Variants in SORL1 observed in about 807,000 individuals in gnomAD.
SORL1 encodes the protein sortilin-related receptor.
In SORL1, 127 loss-of-function variants were observed where a neutral mutation model predicts 273.7. That is an observed-to-expected ratio of 0.46 (90% CI 0.40 to 0.54). SORL1 has a LOEUF of 0.54. SORL1 is among the 20% of genes least tolerant of loss of function. The probability of loss-of-function intolerance (pLI) is 0.00; values close to 1 mark genes in which losing one functional copy is unlikely to be tolerated. For missense variants in SORL1, 2,494 were observed against 2,846.1 expected (o/e 0.88, Z 2.81); for synonymous variants, 1,031 against 1,067.4 (o/e 0.97, Z 0.66).
intron 40 of SORL1, among the ~76,000 whole-genome samples, chr11:121,613,940 G>A (rs1459857817): frequency 6.6e-6 from 1 of 152,132 alleles, no homozygotes; most frequent in Non-Finnish European, 1.5e-5. Flanking sequence ...TTTTCTCCCT[G>A]CCAGCCAGCA....
chr11:121,511,472 A>G (rs1488785557), intron 6 of SORL1, among the ~76,000 whole-genome samples: 2 of 152,256 alleles, frequency 1.3e-5, no homozygotes, highest in Non-Finnish European at 2.9e-5. Flanking sequence ...CATAGCCATG[A>G]CATTTTATCA....
At chr11:121,528,834 A>G (rs1004828915) in intron 11 of SORL1, among the ~76,000 whole-genome samples, 4 of 152,220 alleles carry the variant, frequency 2.6e-5, no homozygotes, top group African/African-American at 9.6e-5. Context: ...AGGAATATGT[A>G]TTAAGCAGTT....
intron 6 of SORL1, among the ~76,000 whole-genome samples, chr11:121,509,567 C>G (rs1320051082): frequency 6.6e-6 from 1 of 152,102 alleles, no homozygotes; most frequent in Non-Finnish European, 1.5e-5. Flanking sequence ...ACCTCCGCCT[C>G]CTGGGTTCAG....
rs751989082 is a variant in SORL1, at chr11:121,514,113, T to C, written c.1042-39T>C. On this transcript the variant is annotated intron_variant, in intron 7 of 47. Coordinates refer to ENST00000260197, the MANE Select transcript of SORL1 (RefSeq NM_003105.6). ...ATAGTAAAAGCCCACAGGGCACATT[T>C]GTTTTTTGACGTATCTTTTTTGACT... 3 of 1,599,548 alleles carry C rather than the reference T, an allele frequency of 1.9e-6. No homozygotes were observed. The South Asian group carries it at 3.4e-5, about 18-fold the overall frequency.
In SORL1 at chr11:121,553,977, C is replaced by A; in HGVS notation, c.2307C>A (p.Ile769=). The change falls in exon 17 of 48, where the codon ATC becomes ATA. Residue 769 remains isoleucine (I), a synonymous_variant. Coordinates refer to ENST00000260197, the MANE Select transcript of SORL1 (RefSeq NM_003105.6). ...TTCTGTATGCTGTGAGGAAATCCATCTACCGCTATGACCTGGCCTCGGGAG... is the reference window on the plus strand; with the variant it reads ...TTCTGTATGCTGTGAGGAAATCCATATACCGCTATGACCTGGCCTCGGGAG... The part of the protein sequence containing the change: ...EFILYAVRKS[I]YRYDLASGAT... 6.2e-7 allele frequency: 1 copy of A among 1,614,220 alleles called. No individual in the cohort carries two copies. The highest frequency in any genetic ancestry group is 8.5e-7 in the Non-Finnish European group (1 of 1,180,028).
chr11:121,628,065 C>T (rs186604112), intron 47 of SORL1, among the ~76,000 whole-genome samples: 2 of 152,302 alleles, frequency 1.3e-5, no homozygotes, highest in Admixed American at 1.3e-4. Flanking sequence ...ATATCTGACC[C>T]CTGTCTCATC....
Position 121,621,256 on chromosome 11 carries a change from T to C in SORL1, c.6064+18T>C. 1 of 1,609,934 alleles carries C rather than the reference T, an allele frequency of 6.2e-7. No homozygotes were observed. The highest frequency in any genetic ancestry group is 1.7e-4 in the Middle Eastern group (1 of 6,048). On this transcript the variant is annotated intron_variant, in intron 44 of 47. Transcript: ENST00000260197. ...TACCACAGGTAAGCAGGAGAGAGGTTAGAGGTCTTCTCACACAGCCTGCCC... is the reference window on the plus strand; with the variant it reads ...TACCACAGGTAAGCAGGAGAGAGGTCAGAGGTCTTCTCACACAGCCTGCCC...
At chr11:121,479,966 C>T (rs1861346969) in intron 3 of SORL1, among the ~76,000 whole-genome samples, 1 of 152,150 alleles carries the variant, frequency 6.6e-6, no homozygotes, top group Non-Finnish European at 1.5e-5. Flanking sequence ...TGCCCCTTTG[C>T]CCCACCGCAC....
chr11:121,490,391 T>C (rs554618667), intron 5 of SORL1, among the ~76,000 whole-genome samples: 2 of 150,218 alleles, frequency 1.3e-5, no homozygotes, highest in South Asian at 4.3e-4. Flanking sequence ...TGCATGTTTG[T>C]AGAGTTTCAT....
At chr11:121,605,088 G>T (rs1162193689) in intron 33 of SORL1, 25 bp from the exon 34 acceptor site, 2 of 1,590,624 alleles carry the variant, frequency 1.3e-6, no homozygotes, top group East Asian at 2.2e-5. Flanking sequence ...AACTTTGTTT[G>T]TCTTTTTCTC....
chr11:121,536,945 C>T (rs767284047), intron 12 of SORL1, among the ~76,000 whole-genome samples: 3 of 151,976 alleles, frequency 2.0e-5, no homozygotes, highest in South Asian at 4.2e-4. Flanking sequence ...GCGCTGGGTG[C>T]GGTGGGAGCC....
chr11:121,583,469 A>G lies in SORL1; in HGVS notation c.3592A>G (p.Thr1198Ala). The change falls in exon 26 of 48, where the codon ACC becomes GCC. Residue 1198 changes from threonine (T) to alanine (A), a missense_variant. Transcript: ENST00000260197. ...CTTCTCTGTTACAGCCATCTATCACACCTGTGAGGCCTCCAACTTCCAGTG... is the reference window on the plus strand; with the variant it reads ...CTTCTCTGTTACAGCCATCTATCACGCCTGTGAGGCCTCCAACTTCCAGTG... Reference protein sequence around the residue: ...DEANCTAIYHTCEASNFQCRN... With the variant: ...DEANCTAIYHACEASNFQCRN... The G allele has an allele frequency of 6.2e-7, 1 of 1,612,124 alleles. No homozygotes were observed. The highest frequency in any genetic ancestry group is 1.1e-5 in the South Asian group (1 of 90,854).
At chr11:121,489,701 G>GTT (rs1459314695) in intron 4 of SORL1, among the ~76,000 whole-genome samples, 1 of 152,220 alleles carries the variant, frequency 6.6e-6, no homozygotes, top group Non-Finnish European at 1.5e-5. Flanking sequence ...TAAGGACACT[G>GTT]TTTCTTCGTT....
chr11:121,525,259 C>T (rs954600249), intron 11 of SORL1, among the ~76,000 whole-genome samples: 3 of 152,186 alleles, frequency 2.0e-5, no homozygotes, highest in African/African-American at 4.8e-5. Context: ...TCACACATCA[C>T]GATGATTTTG....
At chr11:121,588,413 T>C (rs916706521) in intron 28 of SORL1, among the ~76,000 whole-genome samples, 6 of 152,174 alleles carry the variant, frequency 3.9e-5, no homozygotes. Context: ...AGGGGCAGGA[T>C]GGCGAGTGAC....
chr11:121,556,545 G>T lies in SORL1; in HGVS notation c.2572-769G>T, dbSNP rs1042202777. On this transcript the variant is annotated intron_variant, in intron 18 of 47. Transcript: ENST00000260197. ...TGCGTGTGGTCAGCACTTGGCTAGG[G>T]GCTAAAAGAATGCAGGTGATGCACA... 3.3e-5 allele frequency among the ~76,000 whole-genome samples: 5 copies of T among 152,148 alleles called. 1 individual carries two copies. The highest frequency in any genetic ancestry group is 1.3e-4 in the Admixed American group (2 of 15,270).
chr11:121,457,206 G>A (rs1193795419), intron 1 of SORL1, among the ~76,000 whole-genome samples: 2 of 152,150 alleles, frequency 1.3e-5, no homozygotes, highest in African/African-American at 4.8e-5. Flanking sequence ...GAGGCTTTGC[G>A]AGGGGGAAGG....
At chr11:121,593,374 T>G (rs917869584) in intron 31 of SORL1, among the ~76,000 whole-genome samples, 1 of 152,248 alleles carries the variant, frequency 6.6e-6, no homozygotes, top group Non-Finnish European at 1.5e-5. Context: ...GCTTTCTGCC[T>G]TTCAGTCGCC....
intron 6 of SORL1, among the ~76,000 whole-genome samples, chr11:121,511,288 GTATTT>G (rs1430533162): frequency 1.3e-5 from 2 of 152,024 alleles, no homozygotes; most frequent in Non-Finnish European, 2.9e-5. Context: ...CAATCGTTAA[GTATTT>G]TTAACTAATG....
Sources: allele counts gnomAD v4.1 joint callset (sites outside exome capture counted in the v4.1 genomes callset), GRCh38; gene constraint gnomAD v4.1.1; transcripts MANE v1.5; gene names NCBI Gene and HGNC (gene_info 2026-07-23, HGNC 2026-07-21).